The following SHROOM3 variants were observed in gnomAD, a reference collection of about 807,000 sequenced individuals.
SHROOM3 encodes the protein protein Shroom3.
In SHROOM3, 47 loss-of-function variants were observed where a neutral mutation model predicts 138.6. That is an observed-to-expected ratio of 0.34 (90% CI 0.27 to 0.43). The LOEUF (loss-of-function observed/expected upper bound fraction) is 0.43. Among genes scored for constraint, SHROOM3 ranks in the 20% least tolerant of loss-of-function variants. The probability of loss-of-function intolerance (pLI) is 1.00; values close to 1 mark genes in which losing one functional copy is unlikely to be tolerated. For synonymous variants in SHROOM3, 1,062 were observed against 1,063.3 expected (o/e 1.00, Z 0.02); for missense variants, 2,491 against 2,596.5 (o/e 0.96, Z 0.88).
At chr4:76,477,299 G>C (rs920922485) in intron 1 of SHROOM3, among the ~76,000 whole-genome samples, 3 of 152,122 alleles carry the variant, frequency 2.0e-5, no homozygotes, top group African/African-American at 7.2e-5. Context: ...GCTGAAATAA[G>C]ACAGAGAGAC....
intron 2 of SHROOM3, among the ~76,000 whole-genome samples, chr4:76,706,940 A>C (rs1211862584): frequency 6.6e-6 from 1 of 152,320 alleles, no homozygotes; most frequent in South Asian, 2.1e-4. Flanking sequence ...GTCGAAATTG[A>C]AACCTGAAGG....
intron 2 of SHROOM3, among the ~76,000 whole-genome samples, chr4:76,653,672 C>G (rs968145093): frequency 6.6e-6 from 1 of 152,070 alleles, no homozygotes; most frequent in African/African-American, 2.4e-5. Flanking sequence ...CTCGAAGGAT[C>G]CTCCCACCTC....
intron 2 of SHROOM3, among the ~76,000 whole-genome samples, chr4:76,565,539 C>T (rs1733704073): frequency 6.6e-6 from 1 of 152,172 alleles, no homozygotes. Flanking sequence ...GTTGCCCAGG[C>T]TGGAGTGCAG....
At chr4:76,591,003 C>G (rs959568694) in intron 2 of SHROOM3, among the ~76,000 whole-genome samples, 2 of 152,130 alleles carry the variant, frequency 1.3e-5, no homozygotes, top group Non-Finnish European at 2.9e-5. Flanking sequence ...ATCTGTGCAA[C>G]AGCTGACCTC....
intron 10 of SHROOM3, among the ~76,000 whole-genome samples, chr4:76,774,288 A>G (rs928096468): frequency 2.0e-5 from 3 of 152,182 alleles, no homozygotes; most frequent in Non-Finnish European, 4.4e-5. Context: ...GCATGCCTGC[A>G]CTCTTAAATA....
intron 2 of SHROOM3, among the ~76,000 whole-genome samples, chr4:76,677,936 T>C (rs1489092105): frequency 3.3e-5 from 5 of 152,118 alleles, no homozygotes; most frequent in African/African-American, 4.8e-5. Flanking sequence ...CTTGTGAAAG[T>C]CTAAAATAAA....
intron 2 of SHROOM3, chr4:76,559,404 A>G (rs183279693): frequency 1.1e-4 from 16 of 152,272 alleles, no homozygotes; most frequent in Admixed American, 9.2e-4. Context: ...TCGTCCTGAG[A>G]TTCTGTTTCC....
intron 2 of SHROOM3, among the ~76,000 whole-genome samples, chr4:76,585,726 G>A (rs1734139143): frequency 6.6e-6 from 1 of 152,144 alleles, no homozygotes; most frequent in Admixed American, 6.5e-5. Context: ...TTTTATGTCT[G>A]TGGTGATTTT....
At chr4:76,527,746 C>G (rs1249872443) in intron 1 of SHROOM3, among the ~76,000 whole-genome samples, 1 of 152,216 alleles carries the variant, frequency 6.6e-6, no homozygotes, top group African/African-American at 2.4e-5. Flanking sequence ...AAGGCTGGCT[C>G]CATGCTTCAG....
At position 76,608,646 on chromosome 4, in the gene SHROOM3, C is replaced by CATTGGACAGAGATGGT. The variant is rs1560563283; in HGVS notation, c.323+52885_323+52886insTGGACAGAGATGGTAT. Among the ~76,000 whole-genome samples, 84 of 19,822 alleles carry CATTGGACAGAGATGGT rather than the reference C, an allele frequency of 4.2e-3. 5 individuals are homozygous for CATTGGACAGAGATGGT. Among genetic ancestry groups the CATTGGACAGAGATGGT allele is most frequent in the Middle Eastern group, 0.062 (1 of 16 alleles). 13.0% of individuals were successfully genotyped at this position (19,822 alleles called of 152,430 possible). ...GATGGTATAGCATAGCATAGCATAGCATAGCATAGCATAGCATAGCACAGC... is the reference window on the plus strand; with the variant it reads ...GATGGTATAGCATAGCATAGCATAGCATTGGACAGAGATGGTATAGCATAGCATAGCATAGCACAGC... On this transcript the variant is annotated intron_variant, in intron 2 of 10. Transcript: ENST00000296043.
At chr4:76,474,926 C>G (rs1024335748) in intron 1 of SHROOM3, among the ~76,000 whole-genome samples, 16 of 138,052 alleles carry the variant, frequency 1.2e-4, no homozygotes, top group African/African-American at 4.0e-4. Context: ...GACTCTGGCT[C>G]AAAAAAAAAA....
At chr4:76,474,264 G>T (rs1173847354) in intron 1 of SHROOM3, among the ~76,000 whole-genome samples, 3 of 152,144 alleles carry the variant, frequency 2.0e-5, no homozygotes, top group African/African-American at 7.2e-5. Context: ...AGTATTAGTG[G>T]TTGTCAGGGA....
At chr4:76,439,401 A>G (rs981914356) in intron 1 of SHROOM3, among the ~76,000 whole-genome samples, 49 of 152,324 alleles carry the variant, frequency 3.2e-4, no homozygotes, top group Middle Eastern at 6.8e-3. Flanking sequence ...ATAACCTGAC[A>G]TATTCACAGG....
At chr4:76,490,430 T>C (rs368213338) in intron 1 of SHROOM3, among the ~76,000 whole-genome samples, 11 of 152,258 alleles carry the variant, frequency 7.2e-5, no homozygotes, top group African/African-American at 2.6e-4. Context: ...TTTTTTCTTT[T>C]TTTTAGTAGA....
At chr4:76,655,064 G>T (rs1279217276) in intron 2 of SHROOM3, among the ~76,000 whole-genome samples, 1 of 152,108 alleles carries the variant, frequency 6.6e-6, no homozygotes, top group African/African-American at 2.4e-5. Flanking sequence ...CTTGGCCAGT[G>T]CTCAGTATTT....
intron 3 of SHROOM3, among the ~76,000 whole-genome samples, chr4:76,712,413 T>G (rs1720254799): frequency 6.6e-6 from 1 of 152,168 alleles, no homozygotes; most frequent in Non-Finnish European, 1.5e-5. Context: ...ATATCAGCAG[T>G]AGAATCACAT....
intron 3 of SHROOM3, among the ~76,000 whole-genome samples, chr4:76,724,982 A>C (rs573805884): frequency 6.6e-6 from 1 of 152,278 alleles, no homozygotes; most frequent in South Asian, 2.1e-4. Flanking sequence ...TTATTTCATC[A>C]CTTACCTCCT....
intron 10 of SHROOM3, among the ~76,000 whole-genome samples, chr4:76,776,458 A>G (rs58067274): frequency 0.02 from 3,066 of 152,220 alleles, 118 homozygotes; most frequent in African/African-American, 0.07. Flanking sequence ...ATTAAGTCCT[A>G]TCTATTTATC....
chr4:76,652,748 TCTCC>T (rs1735986315), intron 2 of SHROOM3, among the ~76,000 whole-genome samples: 1 of 109,792 alleles, frequency 9.1e-6, no homozygotes, highest in Non-Finnish European at 1.9e-5. Context: ...TACACTTGAG[TCTCC>T]CTCTCTCTCT....
Sources: allele counts gnomAD v4.1 joint callset (sites outside exome capture counted in the v4.1 genomes callset), GRCh38; gene constraint gnomAD v4.1.1; transcripts MANE v1.5; gene names NCBI Gene and HGNC (gene_info 2026-07-23, HGNC 2026-07-21).